PDE4B: variants seen among roughly 807,000 people sequenced by gnomAD.
The protein encoded by PDE4B is 3',5'-cyclic-AMP phosphodiesterase 4B.
PDE4B carries 20 observed loss-of-function variants against 82.2 expected under a neutral mutation model. The ratio of observed to expected loss-of-function variants is 0.24; its 90% CI spans 0.17 to 0.35. PDE4B has a LOEUF of 0.35. PDE4B is among the 10% of genes least tolerant of loss of function. The pLI, the probability that PDE4B is intolerant of heterozygous loss-of-function variation, is 1.00. For synonymous variants in PDE4B, 320 were observed against 318.9 expected, an observed-to-expected ratio of 1.00 and a Z score of -0.04; for missense variants, 655 against 907.2, an observed-to-expected ratio of 0.72 and a Z score of 3.57.
rs77015234 is a variant in PDE4B, at chr1:65,993,213, T to C, written c.281+74378T>C. 8,584 of 1,167,446 alleles carry C rather than the reference T, an allele frequency of 7.4e-3. 46 individuals are homozygous for C. Among genetic ancestry groups the C allele is most frequent in the Non-Finnish European group, 9.6e-3 (7,848 of 816,236 alleles). The allele number at this position is 1,167,446 out of a possible 1,614,324, so 72.3% of individuals were successfully genotyped here. ...CATTAGCACCAGTGATCTAGCAGTG[T>C]AGAAAATGGAACATTTGAGTTTTGT... On this transcript the variant is annotated intron_variant, in intron 3 of 16. Coordinates refer to ENST00000341517, the MANE Select transcript of PDE4B (RefSeq NM_002600.4).
intron 1 of PDE4B, among the ~76,000 whole-genome samples, chr1:65,801,679 C>T (rs890953438): frequency 1.3e-5 from 2 of 152,126 alleles, no homozygotes; most frequent in African/African-American, 4.8e-5. Flanking sequence ...ATTAAGAAAA[C>T]TCTTTCTGTG....
At chr1:65,961,836 A>G (rs996229882) in intron 3 of PDE4B, among the ~76,000 whole-genome samples, 5 of 152,160 alleles carry the variant, frequency 3.3e-5, no homozygotes, top group Non-Finnish European at 7.4e-5. Context: ...TTGGGAGTGG[A>G]GAGAGAATTT....
rs1191358392 is a variant in PDE4B, at chr1:66,363,668, T to A, written c.1284+97T>A. ...AGCATGTGCCTGTAGTCCTAGCTAC[T>A]CGGGAGGCTGAGTTGGGAGGATTGC... On this transcript the variant is annotated intron_variant, in intron 12 of 16. Coordinates refer to ENST00000341517, the MANE Select transcript of PDE4B (RefSeq NM_002600.4). 4.1e-6 allele frequency: 4 copies of A among 971,092 alleles called. No individual in the cohort carries two copies. The Admixed American group carries it at 9.9e-5, about 24-fold the overall frequency. The allele number at this position is 971,092 out of a possible 1,614,324, so 60.2% of individuals were successfully genotyped here.
intron 16 of PDE4B, among the ~76,000 whole-genome samples, chr1:66,369,493 G>A (rs991515388): frequency 6.6e-6 from 1 of 152,220 alleles, no homozygotes; most frequent in Non-Finnish European, 1.5e-5. Flanking sequence ...TTCTGGTTGT[G>A]TCCAAAGCAA....
intron 1 of PDE4B, among the ~76,000 whole-genome samples, chr1:65,870,975 C>T (rs114379287): frequency 0.015 from 2,295 of 152,176 alleles, 74 homozygotes; most frequent in African/African-American, 0.053. Context: ...GAGGAAGAAT[C>T]GGTAAGACTG....
chr1:66,067,924 TCACACAC>T (rs1655946451), intron 3 of PDE4B, among the ~76,000 whole-genome samples: 1 of 125,750 alleles, frequency 8.0e-6, no homozygotes, highest in East Asian at 2.6e-4. Context: ...AAGGAGAACA[TCACACAC>T]CAGGGACTGT....
At chr1:65,928,590 G>C (rs926053725) in intron 3 of PDE4B, among the ~76,000 whole-genome samples, 3 of 152,118 alleles carry the variant, frequency 2.0e-5, no homozygotes, top group African/African-American at 7.2e-5. Flanking sequence ...TGTTAGATCT[G>C]ACATACAGAG....
chr1:66,204,619 G>T (rs1050393469), intron 3 of PDE4B, among the ~76,000 whole-genome samples: 40 of 152,322 alleles, frequency 2.6e-4, no homozygotes, highest in African/African-American at 9.4e-4. Context: ...CAATCAACGA[G>T]ACTCCATGGG....
At chr1:65,825,412 A>T (rs1203034404) in intron 1 of PDE4B, among the ~76,000 whole-genome samples, 1 of 152,222 alleles carries the variant, frequency 6.6e-6, no homozygotes, top group Non-Finnish European at 1.5e-5. Context: ...TCCTCCATAC[A>T]TATGCATAAG....
chr1:66,288,566 C>T (rs186509266), intron 7 of PDE4B, among the ~76,000 whole-genome samples: 23 of 152,192 alleles, frequency 1.5e-4, no homozygotes, highest in Admixed American at 9.8e-4. Context: ...TGTTAAAGAA[C>T]GTGAAGTTTG....
chr1:66,216,206 A>G (rs961162755), intron 3 of PDE4B, among the ~76,000 whole-genome samples: 1 of 149,358 alleles, frequency 6.7e-6, no homozygotes, highest in African/African-American at 2.4e-5. Flanking sequence ...AATTATGTAT[A>G]TAATATAATA....
chr1:66,035,889 A>G (rs761875475), intron 3 of PDE4B, among the ~76,000 whole-genome samples: 10 of 152,102 alleles, frequency 6.6e-5, no homozygotes, highest in Non-Finnish European at 1.5e-4. Context: ...TAATAGGGTA[A>G]TTGTATTTTT....
At chr1:66,019,447 C>T (rs575451967) in intron 3 of PDE4B, among the ~76,000 whole-genome samples, 1 of 148,938 alleles carries the variant, frequency 6.7e-6, no homozygotes, top group Admixed American at 6.9e-5. Context: ...CCTCTGCCTC[C>T]CAGGTTCAAG....
intron 3 of PDE4B, among the ~76,000 whole-genome samples, chr1:66,088,020 AT>A (rs1644929332): frequency 6.6e-6 from 1 of 151,992 alleles, no homozygotes; most frequent in African/African-American, 2.4e-5. Context: ...AAGTATAATA[AT>A]AATAAAAATA....
chr1:66,302,083 A>C (rs1336981869), intron 7 of PDE4B, among the ~76,000 whole-genome samples: 1 of 152,186 alleles, frequency 6.6e-6, no homozygotes, highest in African/African-American at 2.4e-5. Context: ...AAATGGGGAA[A>C]GCTAAACTGC....
intron 1 of PDE4B, among the ~76,000 whole-genome samples, chr1:65,859,115 A>G (rs1203986372): frequency 1.3e-5 from 2 of 152,118 alleles, no homozygotes; most frequent in African/African-American, 4.8e-5. Flanking sequence ...GCATTTCTCA[A>G]ACTGACACCT....
At chr1:66,110,441 T>C (rs1358704645) in intron 3 of PDE4B, among the ~76,000 whole-genome samples, 1 of 151,992 alleles carries the variant, frequency 6.6e-6, no homozygotes, top group Non-Finnish European at 1.5e-5. Context: ...ATTCCACAAG[T>C]CTTGTCTGCT....
intron 3 of PDE4B, among the ~76,000 whole-genome samples, chr1:65,951,875 T>G (rs1175766922): frequency 6.6e-6 from 1 of 152,064 alleles, no homozygotes; most frequent in Non-Finnish European, 1.5e-5. Context: ...GGGCTTGGTT[T>G]GAATCCCACT....
At chr1:66,195,826 C>A (rs563339493) in intron 3 of PDE4B, among the ~76,000 whole-genome samples, 83 of 152,116 alleles carry the variant, frequency 5.5e-4, no homozygotes, top group African/African-American at 1.8e-3. Context: ...ATATGAGACC[C>A]CTGCAAGAAG....
Sources: allele counts gnomAD v4.1 joint callset (sites outside exome capture counted in the v4.1 genomes callset), GRCh38; gene constraint gnomAD v4.1.1; transcripts MANE v1.5; gene names NCBI Gene and HGNC (gene_info 2026-07-23, HGNC 2026-07-21).